Variants in UBR4 observed in about 807,000 individuals in gnomAD.
UBR4 encodes E3 ubiquitin-protein ligase UBR4.
UBR4 carries 124 observed loss-of-function variants against 575.6 expected under a neutral mutation model. That is an observed-to-expected ratio of 0.22 (90% CI 0.19 to 0.25). The LOEUF (loss-of-function observed/expected upper bound fraction) is 0.25, where lower values mean the gene tolerates loss of function less well. Ranked by LOEUF, UBR4 falls within the 10% of genes least tolerant of loss-of-function variation. The pLI, the probability that UBR4 is intolerant of heterozygous loss-of-function variation, is 1.00. For missense variants in UBR4, 4,818 were observed against 6,478.8 expected (o/e 0.74, Z 8.80); for synonymous variants, 2,455 against 2,473.7 (o/e 0.99, Z 0.22).
In UBR4 at chr1:19,187,425, G is replaced by A. The variant is rs531984386; in HGVS notation, c.1494+16C>T. 2.6e-5 allele frequency: 42 copies of A among 1,613,870 alleles called. 1 individual carries two copies. The South Asian group carries it at 2.9e-4, about 11-fold the overall frequency. Reference sequence around the variant, plus strand: ...CGCAATCAATATGCTGATTACCATGGGGATAACCTCCTCACCTTGTGAAGG... The same window carrying A: ...CGCAATCAATATGCTGATTACCATGAGGATAACCTCCTCACCTTGTGAAGG... On this transcript the variant is annotated intron_variant, in intron 12 of 105. Coordinates refer to ENST00000375254, the MANE Select transcript of UBR4 (RefSeq NM_020765.3).
intron 63 of UBR4, 151 bp from the exon 64 acceptor site, chr1:19,126,806 A>G: frequency 3.6e-6 from 3 of 826,366 alleles, no homozygotes; most frequent in Non-Finnish European, 5.6e-6. Flanking sequence ...AACTTCCCCA[A>G]GGAAGTTTGT....
intron 100 of UBR4, 140 bp from the exon 101 acceptor site, chr1:19,086,410 A>T (rs1255044084): frequency 1.6e-6 from 2 of 1,274,120 alleles, no homozygotes; most frequent in African/African-American, 3.0e-5. Context: ...CCCTGCGAAG[A>T]GAATTTGCTA....
Position 19,074,730 on chromosome 1 carries a change from C to T in UBR4, c.*102G>A. On this transcript the variant is annotated 3_prime_UTR_variant, in exon 106 of 106. Coordinates refer to ENST00000375254, the MANE Select transcript of UBR4 (RefSeq NM_020765.3). The stretch of plus-strand genomic sequence containing the variant: ...AATGAGAGAGGGGAGGGCGGGGTAA[C>T]AATGCAGCATCCCGCGGAGGGAACT... 7.4e-7 allele frequency: 1 copy of T among 1,342,628 alleles called. No homozygotes were observed. Among genetic ancestry groups the T allele is most frequent in the Non-Finnish European group, 1.0e-6 (1 of 953,600 alleles). 83.2% of individuals were successfully genotyped at this position (1,342,628 alleles called of 1,614,324 possible). A position where few individuals can be genotyped will look rare whatever the true frequency, so the allele number is the denominator to read the frequency against.
intron 11 of UBR4, among the ~76,000 whole-genome samples, chr1:19,189,521 T>C (rs2091872219): frequency 6.6e-6 from 1 of 152,232 alleles, no homozygotes; most frequent in African/African-American, 2.4e-5. Context: ...GAAAAGATGA[T>C]GCAGTATTTC....
At chr1:19,081,260 C>T (rs1422915990) in intron 103 of UBR4, 89 bp downstream of exon 103, 1 of 1,181,592 alleles carries the variant, frequency 8.5e-7, no homozygotes, top group African/African-American at 1.5e-5. Flanking sequence ...CAAAGCATGC[C>T]TTCACCTAGC....
chr1:19,129,226 A>G, intron 60 of UBR4, 152 bp from the exon 61 acceptor site: 4 of 620,148 alleles, frequency 6.5e-6, no homozygotes, highest in South Asian at 6.3e-5. Context: ...AAAAGTTAAG[A>G]ACTGCCTAAT....
chr1:19,160,351 A>T, intron 38 of UBR4, 70 bp from the exon 39 acceptor site: 2 of 1,390,788 alleles, frequency 1.4e-6, no homozygotes, highest in East Asian at 2.5e-5. Flanking sequence ...TACTTGTAAA[A>T]ATCATCTTGC....
At chr1:19,094,519 T>C (rs570935192) in intron 94 of UBR4, among the ~76,000 whole-genome samples, 1 of 152,262 alleles carries the variant, frequency 6.6e-6, no homozygotes, top group Non-Finnish European at 1.5e-5. Flanking sequence ...AGATCTGGGT[T>C]CTAGGCCTGA....
At position 19,117,208 on chromosome 1, in the gene UBR4, A is replaced by G; in HGVS notation, c.10823+13T>C. 2.5e-6 allele frequency: 4 copies of G among 1,609,356 alleles called. No individual in the cohort carries two copies. The highest frequency in any genetic ancestry group is 3.4e-6 in the Non-Finnish European group (4 of 1,176,380). On this transcript the variant is annotated intron_variant, in intron 73 of 105. Transcript: ENST00000375254. This position sits in a 1 kb window ranked among gnomAD's most constrained non-coding sequence, Gnocchi z 4.0. ...CAACCTGCTGCCCCTCCCGAGGCCT[A>G]AAAAGCCCGTACTTGTTTTTCAACT...
At chr1:19,147,820 G>A (rs1235972381) in intron 51 of UBR4, among the ~76,000 whole-genome samples, 173 bp downstream of exon 51, 3 of 152,084 alleles carry the variant, frequency 2.0e-5, no homozygotes, top group African/African-American at 7.2e-5. Flanking sequence ...GCTTACCCTC[G>A]GTTTTGAGTG....
intron 2 of UBR4, among the ~76,000 whole-genome samples, chr1:19,201,225 A>C (rs2092727047): frequency 6.6e-6 from 1 of 152,246 alleles, no homozygotes; most frequent in African/African-American, 2.4e-5. Context: ...GAAATGTAAA[A>C]TAGGGATTAG....
chr1:19,117,656 C>T lies in UBR4; in HGVS notation c.10629+167G>A, dbSNP rs902891190. On this transcript the variant is annotated intron_variant, in intron 72 of 105. Transcript: ENST00000375254. This position sits in a 1 kb window ranked among gnomAD's most constrained non-coding sequence, Gnocchi z 4.0. Reference sequence around the variant, plus strand: ...GGATTATAGGCTTGAGCCACTGCACCCAGCCAAGTTTCTATTTAAGGTAAT... The same window carrying T: ...GGATTATAGGCTTGAGCCACTGCACTCAGCCAAGTTTCTATTTAAGGTAAT... Among the ~76,000 whole-genome samples, 4 of 152,094 alleles carry T rather than the reference C, an allele frequency of 2.6e-5. No homozygotes were observed. Among genetic ancestry groups the T allele is most frequent in the Non-Finnish European group, 5.9e-5 (4 of 68,036 alleles).
chr1:19,124,115 CAGGG>C (rs372725995), intron 65 of UBR4, among the ~76,000 whole-genome samples: 1 of 152,244 alleles, frequency 6.6e-6, no homozygotes, highest in Non-Finnish European at 1.5e-5. Context: ...CACATCCCCT[CAGGG>C]AACCCACTTC....
intron 94 of UBR4, 42 bp from the exon 95 acceptor site, chr1:19,094,181 G>C (rs374049245): frequency 6.9e-5 from 105 of 1,514,676 alleles, no homozygotes; most frequent in Non-Finnish European, 9.1e-5. Flanking sequence ...AATGCAGTCA[G>C]GACTGTGGCT....
chr1:19,202,055 T>C (rs1315204437), intron 1 of UBR4, among the ~76,000 whole-genome samples: 2 of 151,896 alleles, frequency 1.3e-5, no homozygotes, highest in Non-Finnish European at 2.9e-5. Flanking sequence ...CAGCTGGGCG[T>C]GGTGGCACGT....
intron 20 of UBR4, 146 bp downstream of exon 20, chr1:19,176,446 T>C (rs1057496787): frequency 5.4e-6 from 5 of 919,846 alleles, no homozygotes; most frequent in South Asian, 4.3e-5. Flanking sequence ...ATTTCTGAAA[T>C]GTTTTAATCC....
At chr1:19,099,069 C>T (rs2078352461) in intron 90 of UBR4, among the ~76,000 whole-genome samples, 1 of 152,192 alleles carries the variant, frequency 6.6e-6, no homozygotes, top group Admixed American at 6.5e-5. Flanking sequence ...CTCGTGGTGG[C>T]CAAAAGGCCC....
In UBR4 at chr1:19,177,569, G is replaced by A; in HGVS notation, c.2529C>T (p.Asn843=). The A allele has an allele frequency of 6.2e-7, 1 of 1,614,044 alleles. No individual in the cohort carries two copies. ...FVQIIQELSV[N]MDAQMRFVPL... The stretch of plus-strand genomic sequence containing the variant: ...GCACGAAGCGCATCTGAGCATCCAT[G>A]TTGACGCTCAACTCCTGGATGATCT... Residue 843 remains asparagine (N), a synonymous_variant, in exon 19 of 106, where the codon AAC becomes AAT. Transcript: ENST00000375254.
In UBR4 at chr1:19,094,842, T is replaced by C. The variant is rs2077871433; in HGVS notation, c.13746+64A>G. 8.8e-6 allele frequency: 14 copies of C among 1,594,792 alleles called. No homozygotes were observed. The East Asian group carries it at 2.9e-4, about 33-fold the overall frequency. ...GCTAAGCCAGACACAAACAGGCCTG[T>C]TGTGGGCAATGAGACAGTGCAGGCT... On this transcript the variant is annotated intron_variant, in intron 94 of 105. Transcript: ENST00000375254.
Sources: gnomAD v4.1 joint callset for allele counts (sites outside exome capture counted in the v4.1 genomes callset) on GRCh38, gnomAD v4.1.1 for gene constraint, Gnocchi (gnomAD v3.1) non-coding constraint, MANE v1.5 for transcripts, NCBI Gene and HGNC (gene_info 2026-07-23, HGNC 2026-07-21) for gene names.